The following AGBL3 variants were observed in gnomAD, a reference collection of about 807,000 sequenced individuals.
AGBL3 encodes the protein cytosolic carboxypeptidase 3.
AGBL3 carries 68 observed loss-of-function variants against 94.5 expected under a neutral mutation model. That is an observed-to-expected ratio of 0.72 (90% CI 0.59 to 0.88). The LOEUF is 0.88. AGBL3 is among the 40% of genes least tolerant of loss of function. The pLI is 0.00. For missense variants in AGBL3, 934 were observed against 1,103.8 expected (o/e 0.85, Z 2.18); for synonymous variants, 354 against 370.7 (o/e 0.95, Z 0.52).
intron 8 of AGBL3, among the ~76,000 whole-genome samples, chr7:135,042,419 A>G (rs1355546903): frequency 6.6e-6 from 1 of 152,234 alleles, no homozygotes; most frequent in Non-Finnish European, 1.5e-5. Context: ...AGCCAGTCTC[A>G]AAAGATTACA....
At chr7:135,022,906 ATTTC>A (rs1274799661) in intron 5 of AGBL3, among the ~76,000 whole-genome samples, 1 of 151,870 alleles carries the variant, frequency 6.6e-6, no homozygotes, top group Non-Finnish European at 1.5e-5. Flanking sequence ...TCCATCTGTT[ATTTC>A]TTTTTAATTC....
chr7:135,021,478 G>C (rs531493260), intron 5 of AGBL3, among the ~76,000 whole-genome samples: 10 of 151,826 alleles, frequency 6.6e-5, no homozygotes, highest in African/African-American at 2.4e-4. Context: ...ATTTTTAGTA[G>C]AGACGGGGTT....
Position 135,096,831 on chromosome 7 carries a change from A to C in AGBL3, c.2110+15041A>C, listed in dbSNP as rs113361144. On this transcript the variant is annotated intron_variant, in intron 15 of 16. Transcript: ENST00000436302. ...GAAGGACATACATGGCTATTCTTTT[A>C]ATGACTGGCGGAAGAACATATACAA... 9.8e-3 allele frequency among the ~76,000 whole-genome samples: 1,496 copies of C among 152,262 alleles called. 20 individuals are homozygous for C. Among genetic ancestry groups the C allele is most frequent in the African/African-American group, 0.034 (1,410 of 41,546 alleles).
intron 5 of AGBL3, among the ~76,000 whole-genome samples, chr7:135,031,291 G>A (rs981554909): frequency 5.9e-5 from 9 of 151,832 alleles, no homozygotes; most frequent in Non-Finnish European, 8.8e-5. Flanking sequence ...ATGAAGTCTC[G>A]CTCTGTCGCC....
chr7:135,112,307 T>TA (rs1825757305), intron 15 of AGBL3, among the ~76,000 whole-genome samples: 2 of 152,358 alleles, frequency 1.3e-5, no homozygotes, highest in South Asian at 4.1e-4. Flanking sequence ...TTTTCTTGCG[T>TA]AAAATCTTCA....
At chr7:135,131,740 C>T (rs1055780501) in intron 16 of AGBL3, among the ~76,000 whole-genome samples, 1 of 151,746 alleles carries the variant, frequency 6.6e-6, no homozygotes, top group Admixed American at 6.6e-5. Flanking sequence ...AAAAATGACA[C>T]AGAAAATCAG....
intron 16 of AGBL3, 155 bp downstream of exon 16, chr7:135,115,766 C>A: frequency 1.7e-6 from 1 of 590,272 alleles, no homozygotes; most frequent in South Asian, 2.6e-5. Context: ...CCAAAGCTGT[C>A]AGAAAACACT....
At chr7:135,035,424 G>A (rs891982038) in intron 7 of AGBL3, among the ~76,000 whole-genome samples, 8 of 151,966 alleles carry the variant, frequency 5.3e-5, no homozygotes, top group South Asian at 2.1e-4. Context: ...ATCTTAATCC[G>A]GTTAATCATA....
intron 15 of AGBL3, among the ~76,000 whole-genome samples, chr7:135,096,151 C>CAAA (rs201040922): frequency 0.079 from 11,711 of 147,794 alleles, 493 homozygotes; most frequent in Middle Eastern, 0.2. Context: ...GACTCTCTCT[C>CAAA]AAAAAAAAAA....
intron 5 of AGBL3, among the ~76,000 whole-genome samples, chr7:135,023,761 C>T (rs796803265): frequency 7.9e-5 from 12 of 152,202 alleles, no homozygotes; most frequent in African/African-American, 2.2e-4. Context: ...CCCTCCTGCC[C>T]GCTAGCCCTT....
At chr7:135,031,633 C>A (rs1815754497) in intron 5 of AGBL3, among the ~76,000 whole-genome samples, 1 of 152,188 alleles carries the variant, frequency 6.6e-6, no homozygotes, top group South Asian at 2.1e-4. Flanking sequence ...CATTTTGCTT[C>A]TTTCAGGCTT....
intron 15 of AGBL3, among the ~76,000 whole-genome samples, chr7:135,087,083 T>G (rs1176577172): frequency 2.6e-5 from 4 of 152,030 alleles, no homozygotes; most frequent in African/African-American, 9.6e-5. Flanking sequence ...GTAGATTGTA[T>G]GTGTCTAGAA....
intron 12 of AGBL3, among the ~76,000 whole-genome samples, chr7:135,073,249 C>T (rs959048938): frequency 6.6e-6 from 1 of 151,820 alleles, no homozygotes; most frequent in Non-Finnish European, 1.5e-5. Flanking sequence ...AGGTGGATCA[C>T]GAGGTCAGAA....
At chr7:135,129,728 TTC>T in intron 16 of AGBL3, 1 of 727,402 alleles carries the variant, frequency 1.4e-6, no homozygotes, top group Non-Finnish European at 2.6e-6. Flanking sequence ...TGGATTGGTT[TTC>T]CCTAATCTTT....
chr7:135,080,469 G>GTCTGT (rs1455804305), intron 14 of AGBL3, among the ~76,000 whole-genome samples: 9 of 152,178 alleles, frequency 5.9e-5, no homozygotes, highest in Non-Finnish European at 8.8e-5. Flanking sequence ...AATGCCAGTA[G>GTCTGT]TCTGTTCAGG....
chr7:135,127,408 CG>C (rs1562903475), intron 16 of AGBL3, among the ~76,000 whole-genome samples: 1 of 151,878 alleles, frequency 6.6e-6, no homozygotes, highest in Non-Finnish European at 1.5e-5. Flanking sequence ...AAAAATTAGC[CG>C]GGGTGTGGTG....
At chr7:135,070,789 G>A (rs1391579222) in intron 12 of AGBL3, among the ~76,000 whole-genome samples, 2 of 151,950 alleles carry the variant, frequency 1.3e-5, no homozygotes, top group Non-Finnish European at 2.9e-5. Context: ...GGCAAAAACT[G>A]GAAGCATTCC....
intron 3 of AGBL3, among the ~76,000 whole-genome samples, chr7:134,993,056 G>A (rs1810503494): frequency 6.6e-6 from 1 of 152,204 alleles, no homozygotes; most frequent in Admixed American, 6.5e-5. Context: ...GTATCACACA[G>A]TAGCTCTAGA....
At chr7:135,102,354 G>A (rs1384656730) in intron 15 of AGBL3, among the ~76,000 whole-genome samples, 1 of 151,980 alleles carries the variant, frequency 6.6e-6, no homozygotes, top group Non-Finnish European at 1.5e-5. Flanking sequence ...CTTCCCTAAA[G>A]TGTTTTATAA....
Sources: gnomAD v4.1 joint callset for allele counts (sites outside exome capture counted in the v4.1 genomes callset) on GRCh38, gnomAD v4.1.1 for gene constraint, MANE v1.5 for transcripts, NCBI Gene and HGNC (gene_info 2026-07-23, HGNC 2026-07-21) for gene names.